Variants in CLEC16A observed in about 807,000 individuals in gnomAD.
CLEC16A encodes protein CLEC16A.
Under a neutral mutation model 109.5 loss-of-function variants are expected in CLEC16A, and 51 were observed. The observed-to-expected ratio is 0.47, with a 90% CI of 0.37 to 0.59. The LOEUF is 0.59. Among genes scored for constraint, CLEC16A ranks in the 20% least tolerant of loss-of-function variants. The pLI, the probability that CLEC16A is intolerant of heterozygous loss-of-function variation, is 0.00. For missense variants in CLEC16A, 1,339 were observed against 1,394.0 expected (o/e 0.96, Z 0.63); for synonymous variants, 673 against 564.2 (o/e 1.19, Z -2.73).
At chr16:11,075,257 G>C (rs1443410282) in intron 19 of CLEC16A, among the ~76,000 whole-genome samples, 2 of 152,122 alleles carry the variant, frequency 1.3e-5, no homozygotes, top group African/African-American at 4.8e-5. Context: ...AACTTCCGAG[G>C]CACATCAACC....
Position 11,174,388 on chromosome 16 carries a change from G to A in CLEC16A, c.2807-3947G>A. The A allele has an allele frequency of 2.8e-6, 1 of 360,334 alleles. No individual in the cohort carries two copies. Among genetic ancestry groups the A allele is most frequent in the South Asian group, 2.0e-5 (1 of 50,274 alleles). The allele number at this position is 360,334 out of a possible 1,614,324, so 22.3% of individuals were successfully genotyped here. ...GTGGGCCAAGCTGGGCCTGAGCACAGAGCCATTTGCCAAGGCGGCACTTCC... is the reference window on the plus strand; with the variant it reads ...GTGGGCCAAGCTGGGCCTGAGCACAAAGCCATTTGCCAAGGCGGCACTTCC... On this transcript the variant is annotated intron_variant, in intron 23 of 23. Coordinates refer to ENST00000409790, the MANE Select transcript of CLEC16A (RefSeq NM_015226.3). The surrounding 1 kb of genome is among the most constrained non-coding windows in gnomAD (Gnocchi z 4.7).
intron 19 of CLEC16A, among the ~76,000 whole-genome samples, chr16:11,111,026 C>G (rs1404390549): frequency 6.6e-6 from 1 of 152,042 alleles, no homozygotes; most frequent in East Asian, 1.9e-4. Flanking sequence ...CTTGCAGGAT[C>G]TTCCAAGGTC....
chr16:11,178,424 A>G lies in CLEC16A; in HGVS notation c.2896A>G (p.Lys966Glu). Residue 966 changes from lysine (K) to glutamate (E), a missense_variant, in exon 24 of 24, where the codon AAG (lysine) becomes GAG (glutamate). By Grantham distance (56) the Lys-to-Glu change is moderately conservative. Transcript: ENST00000409790. This position sits in a 1 kb window ranked among gnomAD's most constrained non-coding sequence, Gnocchi z 6.5. The stretch of plus-strand genomic sequence containing the variant: ...AACGGAAGCAGACTCTAAGCCCAGC[A>G]AGAACGTGGCCAGGAGCGCAGCCGT... ...NETEADSKPS[K>E]NVARSAAVET... is the part of the protein sequence containing the mutation. 6.2e-7 allele frequency: 1 copy of G among 1,613,746 alleles called. No homozygotes were observed. The highest frequency in any genetic ancestry group is 8.5e-7 in the Non-Finnish European group (1 of 1,179,888).
At chr16:11,159,154 G>T (rs571590761) in intron 22 of CLEC16A, among the ~76,000 whole-genome samples, 1 of 152,334 alleles carries the variant, frequency 6.6e-6, no homozygotes, top group Admixed American at 6.5e-5. Flanking sequence ...TTCTCCTGCA[G>T]CAGCAGTTAG....
chr16:11,141,380 A>G (rs557526267), intron 22 of CLEC16A, among the ~76,000 whole-genome samples: 91 of 152,212 alleles, frequency 6.0e-4, no homozygotes, highest in Non-Finnish European at 5.1e-4. Flanking sequence ...GGAGGCAGAC[A>G]TGGAAAAGGA....
chr16:11,123,963 T>C lies in CLEC16A; in HGVS notation c.2473+17T>C, dbSNP rs1597464914. ...GAATAGCTGGTGAGTGGCTGGACCC[T>C]GGCAGGGCATCCTCTGAGCACTTGG... On this transcript the variant is annotated intron_variant, in intron 21 of 23. Coordinates refer to ENST00000409790, the MANE Select transcript of CLEC16A (RefSeq NM_015226.3). 2 of 1,578,256 alleles carry C rather than the reference T, an allele frequency of 1.3e-6. No individual in the cohort carries two copies. Among genetic ancestry groups the C allele is most frequent in the Middle Eastern group, 1.7e-4 (1 of 5,976 alleles).
intron 19 of CLEC16A, among the ~76,000 whole-genome samples, chr16:11,089,215 A>G (rs1032033159): frequency 2.0e-5 from 3 of 152,234 alleles, no homozygotes; most frequent in African/African-American, 7.2e-5. Flanking sequence ...TGACAGTAGC[A>G]GTAGTTTTTA....
At chr16:11,042,782 T>C (rs938272133) in intron 15 of CLEC16A, among the ~76,000 whole-genome samples, 1 of 151,914 alleles carries the variant, frequency 6.6e-6, no homozygotes, top group African/African-American at 2.4e-5. Flanking sequence ...ATGTTTATTT[T>C]AGAAAATTTA....
At chr16:11,052,228 T>C (rs1011514307) in intron 18 of CLEC16A, among the ~76,000 whole-genome samples, 6 of 152,186 alleles carry the variant, frequency 3.9e-5, no homozygotes, top group Non-Finnish European at 7.3e-5. Context: ...CATGGTATTT[T>C]ATCTCCCGGG....
chr16:11,030,078 G>A (rs1423822856), intron 13 of CLEC16A, among the ~76,000 whole-genome samples: 1 of 152,176 alleles, frequency 6.6e-6, no homozygotes, highest in African/African-American at 2.4e-5. Context: ...TCTTCTTGCT[G>A]AGTAACATTC....
intron 19 of CLEC16A, among the ~76,000 whole-genome samples, chr16:11,061,606 C>T (rs2048482913): frequency 6.6e-6 from 1 of 152,196 alleles, no homozygotes; most frequent in South Asian, 2.1e-4. Context: ...CCTGGAACCC[C>T]TCTCGTATTT....
chr16:11,123,605 T>G lies in CLEC16A; in HGVS notation c.2269-137T>G. 7 of 797,280 alleles carry G rather than the reference T, an allele frequency of 8.8e-6. No individual in the cohort carries two copies. In the South Asian group the frequency reaches 1.0e-4, roughly 12 times the overall value. The allele number at this position is 797,280 out of a possible 1,614,324, so 49.4% of individuals were successfully genotyped here. A position where few individuals can be genotyped will look rare whatever the true frequency, so the allele number is the denominator to read the frequency against. On this transcript the variant is annotated intron_variant, in intron 20 of 23. Transcript: ENST00000409790. Reference sequence around the variant, plus strand: ...TGCCCATCCATGACTCTGTTGGACTTGGGAGGCTGTCGATCTTAGATCAAA... The same window carrying G: ...TGCCCATCCATGACTCTGTTGGACTGGGGAGGCTGTCGATCTTAGATCAAA...
At chr16:11,119,958 T>TGTGTC (rs1313838801) in intron 19 of CLEC16A, among the ~76,000 whole-genome samples, 1 of 127,540 alleles carries the variant, frequency 7.8e-6, no homozygotes, top group Non-Finnish European at 1.6e-5. Context: ...TGTTTTGTTT[T>TGTGTC]GTGTTGTGTT....
intron 12 of CLEC16A, among the ~76,000 whole-genome samples, chr16:11,021,548 A>T (rs1465784589): frequency 6.6e-6 from 1 of 152,216 alleles, no homozygotes; most frequent in Non-Finnish European, 1.5e-5. Context: ...CTGAAATCCT[A>T]GCGCTTTGGG....
intron 20 of CLEC16A, 101 bp from the exon 21 acceptor site, chr16:11,123,641 A>T: frequency 8.9e-7 from 1 of 1,122,348 alleles, no homozygotes; most frequent in Non-Finnish European, 1.3e-6. Flanking sequence ...AGCAGAGATG[A>T]ATTTGGAGAC....
intron 7 of CLEC16A, among the ~76,000 whole-genome samples, chr16:10,975,645 A>G (rs533122317): frequency 1.3e-5 from 2 of 152,138 alleles, no homozygotes; most frequent in South Asian, 4.1e-4. Context: ...TTTACCAAAT[A>G]TCTTTTTTCT....
chr16:10,944,630 C>T lies in CLEC16A; in HGVS notation c.-88C>T. On this transcript the variant is annotated 5_prime_UTR_variant, in exon 1 of 24. Coordinates refer to ENST00000409790, the MANE Select transcript of CLEC16A (RefSeq NM_015226.3). ...CCTCCACCGCCTCCGCCGCCGCATC[C>T]TCCGCTTGTGCTACCGCCGCGGGCG... 7.6e-7 allele frequency: 1 copy of T among 1,307,744 alleles called. No homozygotes were observed. Among genetic ancestry groups the T allele is most frequent in the Non-Finnish European group, 1.1e-6 (1 of 940,830 alleles). The allele number at this position is 1,307,744 out of a possible 1,614,324, so 81.0% of individuals were successfully genotyped here. A position where few individuals can be genotyped will look rare whatever the true frequency, so the allele number is the denominator to read the frequency against.
chr16:11,047,161 T>C, intron 16 of CLEC16A, 131 bp from the exon 17 acceptor site: 1 of 534,858 alleles, frequency 1.9e-6, no homozygotes, highest in Non-Finnish European at 3.1e-6. Flanking sequence ...TTTTACTTCC[T>C]GGTGATTTAC....
Position 11,181,041 on chromosome 16 carries a change from G to A in CLEC16A, c.*2351G>A, listed in dbSNP as rs200607021. On this transcript the variant is annotated 3_prime_UTR_variant, in exon 24 of 24. Coordinates refer to ENST00000409790, the MANE Select transcript of CLEC16A (RefSeq NM_015226.3). ...CTTTCAGCTGGGGCTGGCAACTTGCGTCTGGGGGACACCTCCAGGTGTGTG... is the reference window on the plus strand; with the variant it reads ...CTTTCAGCTGGGGCTGGCAACTTGCATCTGGGGGACACCTCCAGGTGTGTG... 1.7e-4 allele frequency: 26 copies of A among 152,542 alleles called. No homozygotes were observed. Among genetic ancestry groups the A allele is most frequent in the African/African-American group, 5.5e-4 (23 of 41,586 alleles). 9.4% of individuals were successfully genotyped at this position (152,542 alleles called of 1,614,324 possible). A position where few individuals can be genotyped will look rare whatever the true frequency, so the allele number is the denominator to read the frequency against.
Sources: gnomAD v4.1 joint callset for allele counts (sites outside exome capture counted in the v4.1 genomes callset) on GRCh38, gnomAD v4.1.1 for gene constraint, Gnocchi (gnomAD v3.1) non-coding constraint, MANE v1.5 for transcripts, NCBI Gene and HGNC (gene_info 2026-07-23, HGNC 2026-07-21) for gene names.